Variants in TMEM178B observed in about 807,000 individuals in gnomAD.
The protein encoded by TMEM178B is transmembrane protein 178B.
In TMEM178B, 5 loss-of-function variants were observed where a neutral mutation model predicts 31.0. That is an observed-to-expected ratio of 0.16 (90% CI 0.08 to 0.34). The LOEUF is 0.34. Among genes scored for constraint, TMEM178B ranks in the 10% least tolerant of loss-of-function variants. The pLI is 1.00. For synonymous variants in TMEM178B, 164 were observed against 164.0 expected (o/e 1.00, Z 0.00); for missense variants, 275 against 400.3 (o/e 0.69, Z 2.67).
At position 141,170,430 on chromosome 7, in the gene TMEM178B, G is replaced by A. The variant is rs536667494; in HGVS notation, c.383-42161G>A. On this transcript the variant is annotated intron_variant, in intron 1 of 3. Transcript: ENST00000565468. Reference sequence around the variant, plus strand: ...TTCTCAGTTTTTTATTGAGTGTGTTGTGACCGGCCATGAGATCATGGGTAA... The same window carrying A: ...TTCTCAGTTTTTTATTGAGTGTGTTATGACCGGCCATGAGATCATGGGTAA... Among the ~76,000 whole-genome samples, 9 of 152,126 alleles carry A rather than the reference G, an allele frequency of 5.9e-5. No homozygotes were observed. The East Asian group carries it at 1.7e-3, about 29-fold the overall frequency.
At chr7:141,113,715 C>T (rs1183692605) in intron 1 of TMEM178B, among the ~76,000 whole-genome samples, 2 of 152,156 alleles carry the variant, frequency 1.3e-5, no homozygotes, top group Middle Eastern at 3.2e-3. Flanking sequence ...GGCCGGGGAC[C>T]ATGGCATGCA....
intron 2 of TMEM178B, among the ~76,000 whole-genome samples, chr7:141,398,662 T>A (rs1174269869): frequency 1.3e-5 from 2 of 152,134 alleles, no homozygotes; most frequent in African/African-American, 4.8e-5. Context: ...GGAAATGTGA[T>A]TTGCTGGAAT....
intron 2 of TMEM178B, among the ~76,000 whole-genome samples, chr7:141,395,726 C>G (rs1800625771): frequency 6.6e-6 from 1 of 152,096 alleles, no homozygotes; most frequent in African/African-American, 2.4e-5. Flanking sequence ...ACTGTATATT[C>G]ATGTGCTTAT....
At chr7:141,296,215 G>A (rs1173035719) in intron 2 of TMEM178B, among the ~76,000 whole-genome samples, 1 of 151,956 alleles carries the variant, frequency 6.6e-6, no homozygotes, top group Non-Finnish European at 1.5e-5. Context: ...TTATAGTTGC[G>A]TACCATCACG....
rs1490032249 is a variant in TMEM178B, at chr7:141,474,037, G to C, written c.*3251G>C. 1 of 152,146 alleles carries C rather than the reference G, an allele frequency of 6.6e-6. No homozygotes were observed. Among genetic ancestry groups the C allele is most frequent in the African/African-American group, 2.4e-5 (1 of 41,438 alleles). 9.4% of individuals were successfully genotyped at this position (152,146 alleles called of 1,614,324 possible). A position where few individuals can be genotyped will look rare whatever the true frequency, so the allele number is the denominator to read the frequency against. Reference sequence around the variant, plus strand: ...ACCCAACCTTATGAGGGCATTTAGGGTCAATGACCTCACTAAAGTCACCAG... The same window carrying C: ...ACCCAACCTTATGAGGGCATTTAGGCTCAATGACCTCACTAAAGTCACCAG... On this transcript the variant is annotated 3_prime_UTR_variant, in exon 4 of 4. Coordinates refer to ENST00000565468, the MANE Select transcript of TMEM178B (RefSeq NM_001195278.2).
chr7:141,347,352 G>A (rs758451774), intron 2 of TMEM178B, among the ~76,000 whole-genome samples: 3 of 152,108 alleles, frequency 2.0e-5, no homozygotes, highest in Non-Finnish European at 4.4e-5. Context: ...AGACTCTAAA[G>A]TTAGGGTGTA....
intron 1 of TMEM178B, among the ~76,000 whole-genome samples, chr7:141,210,953 C>T (rs536344596): frequency 1.7e-4 from 26 of 152,166 alleles, no homozygotes; most frequent in Non-Finnish European, 2.9e-4. Context: ...GAGGAGGCAG[C>T]ATTTGCAATG....
At chr7:141,269,173 C>T (rs1447007523) in intron 2 of TMEM178B, among the ~76,000 whole-genome samples, 2 of 151,790 alleles carry the variant, frequency 1.3e-5, no homozygotes, top group East Asian at 1.9e-4. Context: ...TCACAGTAAC[C>T]TACACCTCCC....
chr7:141,477,888 T>G lies in TMEM178B; in HGVS notation c.*7102T>G, dbSNP rs1802402543. The stretch of plus-strand genomic sequence containing the variant: ...TTTGCACTCAGAGTCCAGAGCCTTC[T>G]ATCTACCGTTTCATTCTCAGATTCC... On this transcript the variant is annotated 3_prime_UTR_variant, in exon 4 of 4. Transcript: ENST00000565468. The G allele has an allele frequency of 6.6e-6, 1 of 152,334 alleles. No individual in the cohort carries two copies. Among genetic ancestry groups the G allele is most frequent in the Admixed American group, 6.5e-5 (1 of 15,292 alleles). 9.4% of individuals were successfully genotyped at this position (152,334 alleles called of 1,614,324 possible). A position where few individuals can be genotyped will look rare whatever the true frequency, so the allele number is the denominator to read the frequency against.
chr7:141,241,645 C>G (rs1167143406), intron 2 of TMEM178B, among the ~76,000 whole-genome samples: 1 of 151,508 alleles, frequency 6.6e-6, no homozygotes. Context: ...TACCAAGGCT[C>G]CAGCAAGATT....
intron 1 of TMEM178B, among the ~76,000 whole-genome samples, chr7:141,137,790 A>T (rs1241365648): frequency 6.6e-6 from 1 of 152,216 alleles, no homozygotes; most frequent in Non-Finnish European, 1.5e-5. Flanking sequence ...TACCACATAG[A>T]TATGTACAAT....
intron 1 of TMEM178B, among the ~76,000 whole-genome samples, chr7:141,159,021 A>G (rs1394218496): frequency 1.3e-5 from 2 of 152,088 alleles, no homozygotes; most frequent in African/African-American, 4.8e-5. Context: ...AAAGATATTT[A>G]TATCCCTTGC....
At chr7:141,282,657 A>G (rs113444287) in intron 2 of TMEM178B, among the ~76,000 whole-genome samples, 1 of 152,212 alleles carries the variant, frequency 6.6e-6, no homozygotes. Flanking sequence ...TTATCGCATG[A>G]GAGGTATTGA....
chr7:141,081,445 G>A (rs759689630), intron 1 of TMEM178B, among the ~76,000 whole-genome samples: 4 of 152,126 alleles, frequency 2.6e-5, no homozygotes, highest in Non-Finnish European at 4.4e-5. Context: ...AACCAGCCTG[G>A]CCAACATGGT....
At chr7:141,224,174 A>G (rs1797302615) in intron 2 of TMEM178B, among the ~76,000 whole-genome samples, 2 of 152,218 alleles carry the variant, frequency 1.3e-5, no homozygotes, top group South Asian at 4.2e-4. Context: ...CATGATTGTG[A>G]GGCCTCCGTA....
chr7:141,259,088 C>A (rs965668058), intron 2 of TMEM178B, among the ~76,000 whole-genome samples: 2 of 152,094 alleles, frequency 1.3e-5, no homozygotes, highest in Non-Finnish European at 2.9e-5. Context: ...TCTGGGACTT[C>A]TATTATATGT....
At chr7:141,109,498 A>G (rs1051189925) in intron 1 of TMEM178B, among the ~76,000 whole-genome samples, 1 of 152,176 alleles carries the variant, frequency 6.6e-6, no homozygotes, top group African/African-American at 2.4e-5. Flanking sequence ...CTCACTTTTC[A>G]AAGGCCTGGG....
Position 141,074,125 on chromosome 7 carries a change from C to T in TMEM178B, c.-186C>T, listed in dbSNP as rs997028647. ...CTCTCCGGATCAGAACTTTTTAGGC[C>T]GCCCGCCCCCATCCCCGCAGTCCCC... On this transcript the variant is annotated 5_prime_UTR_variant, in exon 1 of 4. Coordinates refer to ENST00000565468, the MANE Select transcript of TMEM178B (RefSeq NM_001195278.2). The surrounding 1 kb of genome is among the most constrained non-coding windows in gnomAD (Gnocchi z 5.1). 7.1e-6 allele frequency: 6 copies of T among 841,112 alleles called. No individual in the cohort carries two copies. Among genetic ancestry groups the T allele is most frequent in the Non-Finnish European group, 1.0e-5 (6 of 601,200 alleles). The allele number at this position is 841,112 out of a possible 1,614,324, so 52.1% of individuals were successfully genotyped here.
intron 2 of TMEM178B, among the ~76,000 whole-genome samples, chr7:141,394,720 T>C (rs1211286923): frequency 6.6e-6 from 1 of 152,216 alleles, no homozygotes; most frequent in East Asian, 1.9e-4. Context: ...TTGAGCAAGT[T>C]CTGTCATTTT....
Sources: allele counts gnomAD v4.1 joint callset (sites outside exome capture counted in the v4.1 genomes callset), GRCh38; gene constraint gnomAD v4.1.1; non-coding constraint Gnocchi (gnomAD v3.1); transcripts MANE v1.5; gene names NCBI Gene and HGNC (gene_info 2026-07-23, HGNC 2026-07-21).